Variants in CNTN5 observed in about 807,000 individuals in gnomAD.
CNTN5 encodes the protein contactin-5.
CNTN5 carries 77 observed loss-of-function variants against 129.1 expected under a neutral mutation model. The observed-to-expected ratio is 0.60, with a 90% CI of 0.50 to 0.72. The LOEUF (loss-of-function observed/expected upper bound fraction) is 0.72. CNTN5 is among the 30% of genes least tolerant of loss of function. CNTN5 has a pLI of 0.00. For missense variants in CNTN5, 1,478 were observed against 1,328.8 expected (o/e 1.11, Z -1.75); for synonymous variants, 509 against 465.6 (o/e 1.09, Z -1.20).
At chr11:99,989,683 A>G (rs1938929394) in intron 8 of CNTN5, among the ~76,000 whole-genome samples, 1 of 152,198 alleles carries the variant, frequency 6.6e-6, no homozygotes, top group African/African-American at 2.4e-5. Flanking sequence ...AATAATAAAC[A>G]TCTACTTTTC....
chr11:99,435,920 T>A (rs894371521), intron 2 of CNTN5, among the ~76,000 whole-genome samples: 1 of 152,216 alleles, frequency 6.6e-6, no homozygotes, highest in Non-Finnish European at 1.5e-5. Context: ...GTAACAGATA[T>A]ATTCAGAATT....
At chr11:99,804,309 C>T (rs1235006652) in intron 3 of CNTN5, among the ~76,000 whole-genome samples, 2 of 152,028 alleles carry the variant, frequency 1.3e-5, no homozygotes, top group African/African-American at 4.8e-5. Flanking sequence ...TCCTAGATTA[C>T]TACTTACAGA....
At chr11:99,420,991 T>C (rs1312608795) in intron 2 of CNTN5, among the ~76,000 whole-genome samples, 1 of 152,174 alleles carries the variant, frequency 6.6e-6, no homozygotes, top group East Asian at 1.9e-4. Context: ...CTTTCAGGCA[T>C]CTTCTTCTCA....
At chr11:99,795,111 T>C (rs1945886626) in intron 3 of CNTN5, among the ~76,000 whole-genome samples, 1 of 152,172 alleles carries the variant, frequency 6.6e-6, no homozygotes, top group African/African-American at 2.4e-5. Context: ...ATGGAGGTAT[T>C]GTTCATTCTT....
At chr11:99,791,112 G>GT (rs35865644) in intron 3 of CNTN5, among the ~76,000 whole-genome samples, 9,513 of 149,174 alleles carry the variant, frequency 0.064, 377 homozygotes, top group African/African-American at 0.11. Context: ...TTTGTTGATA[G>GT]TTTTTTTTTT....
intron 1 of CNTN5, among the ~76,000 whole-genome samples, chr11:99,313,439 A>T (rs1865202941): frequency 6.6e-6 from 1 of 152,056 alleles, no homozygotes; most frequent in South Asian, 2.1e-4. Flanking sequence ...TAGACTTAAG[A>T]CTTTTTTTAC....
At chr11:99,290,989 G>T (rs543447535) in intron 1 of CNTN5, among the ~76,000 whole-genome samples, 6 of 151,758 alleles carry the variant, frequency 4.0e-5, no homozygotes, top group Admixed American at 2.0e-4. Flanking sequence ...ACATTAATAG[G>T]CCCCTGCCTA....
chr11:99,279,025 A>G (rs1360124119), intron 1 of CNTN5, among the ~76,000 whole-genome samples: 1 of 151,764 alleles, frequency 6.6e-6, no homozygotes, highest in Non-Finnish European at 1.5e-5. Context: ...ACATATTATA[A>G]TGAAGAATCC....
At chr11:99,733,070 C>T (rs1465861394) in intron 3 of CNTN5, among the ~76,000 whole-genome samples, 2 of 152,098 alleles carry the variant, frequency 1.3e-5, no homozygotes, top group East Asian at 1.9e-4. Flanking sequence ...TCACGCCTGT[C>T]ATCCCTGCAT....
intron 2 of CNTN5, among the ~76,000 whole-genome samples, chr11:99,329,291 A>G (rs1428951571): frequency 6.6e-6 from 1 of 152,202 alleles, no homozygotes; most frequent in Non-Finnish European, 1.5e-5. Context: ...CAGGTTGAAA[A>G]CATGCAAACA....
intron 15 of CNTN5, among the ~76,000 whole-genome samples, chr11:100,202,690 G>A (rs1272990716): frequency 6.6e-6 from 1 of 151,814 alleles, no homozygotes. Context: ...ATTTTTAACA[G>A]CCCTTTTTAC....
At chr11:99,164,194 C>T (rs1405971809) in intron 1 of CNTN5, among the ~76,000 whole-genome samples, 1 of 151,728 alleles carries the variant, frequency 6.6e-6, no homozygotes, top group Non-Finnish European at 1.5e-5. Flanking sequence ...GGCATGGTGG[C>T]ACCTGTCTGT....
chr11:100,203,602 A>G (rs1364511163), intron 15 of CNTN5, among the ~76,000 whole-genome samples: 1 of 151,854 alleles, frequency 6.6e-6, no homozygotes, highest in African/African-American at 2.4e-5. Flanking sequence ...CAAATTTTCA[A>G]ATATTACTAA....
At chr11:100,278,026 G>C (rs539110196) in intron 18 of CNTN5, among the ~76,000 whole-genome samples, 1 of 152,082 alleles carries the variant, frequency 6.6e-6, no homozygotes, top group Admixed American at 6.5e-5. Flanking sequence ...TTTTCTACAT[G>C]TAGCTATCCA....
At chr11:99,442,160 T>C (rs1943857739) in intron 2 of CNTN5, among the ~76,000 whole-genome samples, 1 of 152,116 alleles carries the variant, frequency 6.6e-6, no homozygotes, top group South Asian at 2.1e-4. Context: ...TAGCTACCCA[T>C]AGCTATGAGG....
At chr11:100,254,349 A>C (rs1028788141) in intron 16 of CNTN5, among the ~76,000 whole-genome samples, 4 of 152,212 alleles carry the variant, frequency 2.6e-5, no homozygotes, top group African/African-American at 9.6e-5. Context: ...AGTTTAAAAA[A>C]TGAGTACCTT....
intron 13 of CNTN5, among the ~76,000 whole-genome samples, chr11:100,106,610 A>G (rs1161683707): frequency 6.6e-6 from 1 of 152,166 alleles, no homozygotes. Flanking sequence ...ACATTGTATG[A>G]TTGTAAAACC....
chr11:99,866,539 T>C (rs757304033), intron 6 of CNTN5, among the ~76,000 whole-genome samples: 8 of 152,310 alleles, frequency 5.3e-5, no homozygotes, highest in Non-Finnish European at 1.2e-4. Context: ...AAACTCAGGG[T>C]ATCTGCTATG....
chr11:99,036,359 A>T (rs1863733166), intron 1 of CNTN5, among the ~76,000 whole-genome samples: 1 of 152,008 alleles, frequency 6.6e-6, no homozygotes, highest in South Asian at 2.1e-4. Flanking sequence ...ATCATTTTAT[A>T]CATGTATCAT....
Sources: gnomAD v4.1 joint callset for allele counts (sites outside exome capture counted in the v4.1 genomes callset) on GRCh38, gnomAD v4.1.1 for gene constraint, MANE v1.5 for transcripts, NCBI Gene and HGNC (gene_info 2026-07-23, HGNC 2026-07-21) for gene names.